RTN1: variants seen among roughly 807,000 people sequenced by gnomAD.
RTN1 encodes reticulon-1.
In RTN1, 25 loss-of-function variants were observed where a neutral mutation model predicts 65.5. The observed-to-expected ratio is 0.38, with a 90% CI of 0.28 to 0.53. RTN1 has a LOEUF of 0.53. Among genes scored for constraint, RTN1 ranks in the 20% least tolerant of loss-of-function variants. RTN1 has a pLI of 0.79. For synonymous variants in RTN1, 471 were observed against 447.6 expected (o/e 1.05, Z -0.66); for missense variants, 983 against 1,025.4 (o/e 0.96, Z 0.57).
chr14:59,783,563 T>G (rs1373337172), intron 1 of RTN1, among the ~76,000 whole-genome samples: 1 of 152,166 alleles, frequency 6.6e-6, no homozygotes, highest in Non-Finnish European at 1.5e-5. Flanking sequence ...GCAAAGAGAT[T>G]AAATTCACAA....
chr14:59,628,294 G>T (rs1882454595), intron 3 of RTN1, among the ~76,000 whole-genome samples: 1 of 152,164 alleles, frequency 6.6e-6, no homozygotes, highest in Admixed American at 6.5e-5. Flanking sequence ...TGGGGCCCAG[G>T]CATCCTTCGT....
chr14:59,605,639 G>T, intron 4 of RTN1, 133 bp from the exon 5 acceptor site: 1 of 871,240 alleles, frequency 1.1e-6, no homozygotes, highest in Non-Finnish European at 1.8e-6. Context: ...GGGGGGTTAT[G>T]CCAGCCAGTG....
At chr14:59,701,479 T>C (rs1884176550) in intron 3 of RTN1, among the ~76,000 whole-genome samples, 2 of 152,172 alleles carry the variant, frequency 1.3e-5, no homozygotes, top group Non-Finnish European at 2.9e-5. Flanking sequence ...AATGGAATAC[T>C]ATTTTGCCAT....
chr14:59,793,636 C>CCA (rs766243780), intron 1 of RTN1, among the ~76,000 whole-genome samples: 4,992 of 144,228 alleles, frequency 0.035, 118 homozygotes, highest in Middle Eastern at 0.061. Flanking sequence ...CAGGCACACA[C>CCA]CACACACACA....
chr14:59,782,201 T>C (rs1275346363), intron 1 of RTN1, among the ~76,000 whole-genome samples: 1 of 152,182 alleles, frequency 6.6e-6, no homozygotes, highest in Non-Finnish European at 1.5e-5. Flanking sequence ...AATAAGTTTC[T>C]GTTGTTTATA....
chr14:59,676,716 A>G (rs898568405), intron 3 of RTN1, among the ~76,000 whole-genome samples: 4 of 152,180 alleles, frequency 2.6e-5, no homozygotes, highest in African/African-American at 9.6e-5. Flanking sequence ...AAATTTCTGG[A>G]TCCATCCCCA....
At chr14:59,853,492 T>C (rs2139666201) in intron 1 of RTN1, among the ~76,000 whole-genome samples, 1 of 152,286 alleles carries the variant, frequency 6.6e-6, no homozygotes, top group East Asian at 1.9e-4. Flanking sequence ...TTTTAAGCAG[T>C]CTGTAAATCC....
At chr14:59,722,797 T>G (rs1247949833) in intron 3 of RTN1, among the ~76,000 whole-genome samples, 3 of 135,152 alleles carry the variant, frequency 2.2e-5, no homozygotes, top group African/African-American at 8.3e-5. Flanking sequence ...AACTTTTAAC[T>G]TTTTTTTTTT....
intron 1 of RTN1, among the ~76,000 whole-genome samples, chr14:59,763,247 A>G (rs1885783686): frequency 1.3e-5 from 2 of 152,324 alleles, no homozygotes; most frequent in Non-Finnish European, 2.9e-5. Context: ...ATGACAAGAA[A>G]GATTAATGTC....
At chr14:59,689,711 C>T (rs765105942) in intron 3 of RTN1, among the ~76,000 whole-genome samples, 1 of 152,118 alleles carries the variant, frequency 6.6e-6, no homozygotes, top group African/African-American at 2.4e-5. Context: ...CCAAACTAAG[C>T]TTCATAAGTG....
chr14:59,759,851 C>T (rs1885713560), intron 1 of RTN1, among the ~76,000 whole-genome samples: 1 of 152,072 alleles, frequency 6.6e-6, no homozygotes, highest in Non-Finnish European at 1.5e-5. Flanking sequence ...AGTTTGGCAA[C>T]ACAGTCTTTA....
intron 1 of RTN1, among the ~76,000 whole-genome samples, chr14:59,759,733 C>G (rs1400028710): frequency 6.8e-6 from 1 of 147,498 alleles, no homozygotes; most frequent in East Asian, 2.0e-4. Context: ...AGAATATAAA[C>G]AAACACTTTG....
At chr14:59,608,632 G>T (rs554745171) in intron 3 of RTN1, among the ~76,000 whole-genome samples, 1 of 152,100 alleles carries the variant, frequency 6.6e-6, no homozygotes, top group Admixed American at 6.5e-5. Context: ...TTCATAACAG[G>T]CTGAGGATAC....
chr14:59,689,700 A>G (rs1306360240), intron 3 of RTN1, among the ~76,000 whole-genome samples: 7 of 152,210 alleles, frequency 4.6e-5, no homozygotes, highest in Non-Finnish European at 1.0e-4. Context: ...TTCATATCCC[A>G]CCAAACTAAG....
chr14:59,736,948 T>C (rs1161873297), intron 2 of RTN1, among the ~76,000 whole-genome samples: 1 of 152,198 alleles, frequency 6.6e-6, no homozygotes, highest in African/African-American at 2.4e-5. Flanking sequence ...GAAAAGGTCT[T>C]CAATAAAATT....
intron 3 of RTN1, among the ~76,000 whole-genome samples, chr14:59,715,573 C>G (rs1884516057): frequency 6.6e-6 from 1 of 152,166 alleles, no homozygotes; most frequent in Non-Finnish European, 1.5e-5. Context: ...CGCCTGTAAT[C>G]CCAGCACTTT....
chr14:59,824,843 T>C (rs1365043866), intron 1 of RTN1, among the ~76,000 whole-genome samples: 1 of 152,220 alleles, frequency 6.6e-6, no homozygotes, highest in Admixed American at 6.5e-5. Flanking sequence ...ATATTCTCAT[T>C]GGATGAATCT....
chr14:59,618,993 G>A (rs896011019), intron 3 of RTN1, among the ~76,000 whole-genome samples: 3 of 152,176 alleles, frequency 2.0e-5, no homozygotes, highest in Non-Finnish European at 4.4e-5. Flanking sequence ...AACACATCTT[G>A]TACTGTTGTA....
intron 1 of RTN1, among the ~76,000 whole-genome samples, chr14:59,855,936 C>G (rs550062008): frequency 4.9e-4 from 75 of 152,324 alleles, no homozygotes; most frequent in African/African-American, 1.8e-3. Context: ...ACAGTGATTA[C>G]TGTCTAAAAG....
Sources: gnomAD v4.1 joint callset for allele counts (sites outside exome capture counted in the v4.1 genomes callset) on GRCh38, gnomAD v4.1.1 for gene constraint, MANE v1.5 for transcripts, NCBI Gene and HGNC (gene_info 2026-07-23, HGNC 2026-07-21) for gene names.